The following TBC1D10A variants were observed in gnomAD, a reference collection of about 807,000 sequenced individuals.
TBC1D10A encodes EBP50-PDX interactor of 64 kDa.
Under a neutral mutation model 52.9 loss-of-function variants are expected in TBC1D10A, and 24 were observed. The observed-to-expected ratio is 0.45, with a 90% confidence interval of 0.33 to 0.64. TBC1D10A has a LOEUF of 0.64. Among genes scored for constraint, TBC1D10A ranks in the 30% least tolerant of loss-of-function variants. The pLI is 0.02. For missense variants in TBC1D10A, 602 were observed against 687.9 expected, an observed-to-expected ratio of 0.88 and a Z score of 1.40; for synonymous variants, 278 against 282.9, an observed-to-expected ratio of 0.98 and a Z score of 0.17.
Position 30,292,651 on chromosome 22 carries a change from G to A in TBC1D10A, c.1251C>T (p.Pro417=), listed in dbSNP as rs747008455. The A allele has an allele frequency of 3.7e-6, 6 of 1,611,470 alleles. No individual in the cohort carries two copies. The highest frequency in any genetic ancestry group is 5.1e-6 in the Non-Finnish European group (6 of 1,178,804). Residue 417 remains proline, a synonymous_variant, in exon 9 of 9, where the codon CCC becomes CCT. Coordinates refer to ENST00000215790, the MANE Select transcript of TBC1D10A (RefSeq NM_031937.3). ...TGGGCTTGGCTTTGGAGCCAGGGAG[G>A]GGGGCATCTAGGGGCAGGCGGATGG... ...SPSIRLPLDA[P]LPGSKAKPKP...
chr22:30,321,993 T>C (rs1930662868), intron 1 of TBC1D10A, among the ~76,000 whole-genome samples: 1 of 151,096 alleles, frequency 6.6e-6, no homozygotes, highest in African/African-American at 2.4e-5. Context: ...TTTTTTTTTT[T>C]TTTTCTTTGA....
intron 1 of TBC1D10A, among the ~76,000 whole-genome samples, chr22:30,320,371 T>C (rs1930628186): frequency 6.6e-6 from 1 of 152,018 alleles, no homozygotes; most frequent in African/African-American, 2.4e-5. Context: ...GGTAGCCAGA[T>C]TCCTGCTAAC....
intron 8 of TBC1D10A, 133 bp downstream of exon 8, chr22:30,293,505 GAGGTCCACCCACA>G (rs1929997568): frequency 8.4e-7 from 1 of 1,196,258 alleles, no homozygotes; most frequent in East Asian, 2.4e-5. Flanking sequence ...ACAGAAGGAT[GAGGTCCACCCACA>G]TGTTCTGTGT....
At chr22:30,302,183 T>C (rs990153216) in intron 2 of TBC1D10A, among the ~76,000 whole-genome samples, 14 of 152,074 alleles carry the variant, frequency 9.2e-5, no homozygotes, top group Non-Finnish European at 2.9e-5. Flanking sequence ...CTGCCTGCCT[T>C]AGGGAGGATG....
rs1458138251 is a variant in TBC1D10A at position 30,292,612 on chromosome 22, C to T, written c.1290G>A (p.Gln430=). Residue 430 remains glutamine (Q), a synonymous_variant, in exon 9 of 9, where the codon CAG becomes CAA. Transcript: ENST00000215790. Reference sequence around the variant, plus strand: ...TCTGTTTCCGCTGCTCCTTCTGGGCCTGCTTGGGTGGCTTGGGCTTGGCTT... The same window carrying T: ...TCTGTTTCCGCTGCTCCTTCTGGGCTTGCTTGGGTGGCTTGGGCTTGGCTT... ...GSKAKPKPPK[Q]AQKEQRKQMK... 2 of 1,613,448 alleles carry T rather than the reference C, an allele frequency of 1.2e-6. No homozygotes were observed. The highest frequency in any genetic ancestry group is 1.7e-6 in the Non-Finnish European group (2 of 1,179,820).
At position 30,294,687 on chromosome 22, in the gene TBC1D10A, G is replaced by A. The variant is rs1930033750; in HGVS notation, c.705+109C>T. 1.2e-5 allele frequency: 18 copies of A among 1,455,206 alleles called. No individual in the cohort carries two copies. The South Asian group carries it at 2.1e-4, about 17-fold the overall frequency. 90.1% of individuals were successfully genotyped at this position (1,455,206 alleles called of 1,614,324 possible). ...TTGGGACTTCAGCCTCAAGGCAACAGAAGGCCGGAAAGTTTTTAACCTGGG... is the reference window on the plus strand; with the variant it reads ...TTGGGACTTCAGCCTCAAGGCAACAAAAGGCCGGAAAGTTTTTAACCTGGG... On this transcript the variant is annotated intron_variant, in intron 6 of 8. Transcript: ENST00000215790.
chr22:30,312,129 A>G (rs1425801252), intron 1 of TBC1D10A, among the ~76,000 whole-genome samples: 1 of 152,104 alleles, frequency 6.6e-6, no homozygotes, highest in East Asian at 1.9e-4. Flanking sequence ...TTTTCTCCAA[A>G]TCCCAGCTCC....
intron 1 of TBC1D10A, among the ~76,000 whole-genome samples, chr22:30,323,240 A>T (rs1262218902): frequency 6.6e-6 from 1 of 152,144 alleles, no homozygotes; most frequent in Non-Finnish European, 1.5e-5. Flanking sequence ...TCTCCCCGCA[A>T]ATAAGTATTA....
At chr22:30,306,914 G>A (rs1054226708) in intron 1 of TBC1D10A, among the ~76,000 whole-genome samples, 1 of 152,172 alleles carries the variant, frequency 6.6e-6, no homozygotes, top group African/African-American at 2.4e-5. Context: ...TAAATCAGAA[G>A]AGTCACATAT....
intron 1 of TBC1D10A, among the ~76,000 whole-genome samples, chr22:30,305,360 G>C (rs1930290077): frequency 6.6e-6 from 1 of 152,216 alleles, no homozygotes; most frequent in Non-Finnish European, 1.5e-5. Flanking sequence ...TGATATTCTG[G>C]TGGGCACTGA....
chr22:30,299,571 C>T lies in TBC1D10A; in HGVS notation c.310-20G>A, dbSNP rs1467923293. 3.1e-6 allele frequency: 5 copies of T among 1,612,332 alleles called. No individual in the cohort carries two copies. In the East Asian group the frequency reaches 1.1e-4, roughly 36 times the overall value. Reference sequence around the variant, plus strand: ...ACGAATCTGAAAATCAAAAGGACAGCTGAGCCCATGCAGCCACCCAGGCAG... The same window carrying T: ...ACGAATCTGAAAATCAAAAGGACAGTTGAGCCCATGCAGCCACCCAGGCAG... On this transcript the variant is annotated intron_variant, in intron 2 of 8. Transcript: ENST00000215790.
rs937589692 is a variant in TBC1D10A at position 30,301,165 on chromosome 22, A to G, written c.310-1614T>C. On this transcript the variant is annotated intron_variant, in intron 2 of 8. Transcript: ENST00000215790. ...CCCAGCCCCGTGTACTTTCTACATC[A>G]CCAGTGGGCTCCTCCTGGGCTTGGG... Among the ~76,000 whole-genome samples the G allele has an allele frequency of 6.6e-5, 10 of 152,048 alleles. 1 individual carries two copies. The highest frequency in any genetic ancestry group is 6.5e-4 in the Admixed American group (10 of 15,274).
At position 30,295,745 on chromosome 22, in the gene TBC1D10A, C is replaced by T. The variant is rs1930064922; in HGVS notation, c.516G>A (p.Gly172=). Residue 172 remains glycine, a synonymous_variant, in exon 4 of 9, where the codon GGG becomes GGA. Transcript: ENST00000215790. Reference sequence around the variant, plus strand: ...AGGCCCAGCCTGCTCACCCGTGGCCCCCCCGGGACACAAACATCTCATGGA... The same window carrying T: ...AGGCCCAGCCTGCTCACCCGTGGCCTCCCCGGGACACAAACATCTCATGGA... ...FPFHEMFVSR[G]GHGQQDLFRV... 2 of 1,613,998 alleles carry T rather than the reference C, an allele frequency of 1.2e-6. No individual in the cohort carries two copies. Among genetic ancestry groups the T allele is most frequent in the Non-Finnish European group, 1.7e-6 (2 of 1,180,020 alleles).
chr22:30,312,364 T>C (rs980895070), intron 1 of TBC1D10A, among the ~76,000 whole-genome samples: 2 of 152,098 alleles, frequency 1.3e-5, no homozygotes, highest in Admixed American at 6.5e-5. Flanking sequence ...AACAGAAACC[T>C]CAGACCCTGT....
intron 1 of TBC1D10A, among the ~76,000 whole-genome samples, chr22:30,319,244 T>A (rs142421765): frequency 3.4e-4 from 52 of 152,256 alleles, no homozygotes; most frequent in African/African-American, 1.3e-3. Flanking sequence ...TCCTCTGTAC[T>A]CCCAGAGCAA....
intron 1 of TBC1D10A, among the ~76,000 whole-genome samples, chr22:30,316,462 T>G (rs549397142): frequency 1.1e-4 from 9 of 83,914 alleles, no homozygotes; most frequent in East Asian, 5.3e-4. Flanking sequence ...TTTGTTTTTG[T>G]TTTTTTTTTT....
intron 1 of TBC1D10A, among the ~76,000 whole-genome samples, chr22:30,322,369 C>A (rs1930672535): frequency 6.6e-6 from 1 of 152,122 alleles, no homozygotes; most frequent in Non-Finnish European, 1.5e-5. Context: ...ATGCCACCCA[C>A]AGGATCATTT....
rs1265742234 is a variant in TBC1D10A, at chr22:30,293,658, A to C, written c.1043T>G (p.Val348Gly). The C allele has an allele frequency of 3.7e-6, 6 of 1,608,156 alleles. No homozygotes were observed. Among genetic ancestry groups the C allele is most frequent in the African/African-American group, 1.3e-5 (1 of 74,894 alleles). ...GGCAGGCATGGGCTGTACCTCCTGG[A>C]CCAGAAAGGCCTCCTGCATGATCTT... Reference protein sequence around the residue: ...SPKIMQEAFLVQEVVELPVTE... With the variant: ...SPKIMQEAFLGQEVVELPVTE... Residue 348 changes from valine to glycine, a missense_variant, in exon 8 of 9, where the codon GTC becomes GGC. Transcript: ENST00000215790.
In TBC1D10A at chr22:30,292,241, T is replaced by C; in HGVS notation, c.*134A>G. The C allele has an allele frequency of 1.3e-6, 1 of 749,418 alleles. No homozygotes were observed. The highest frequency in any genetic ancestry group is 2.1e-6 in the Non-Finnish European group (1 of 472,206). The allele number at this position is 749,418 out of a possible 1,614,324, so 46.4% of individuals were successfully genotyped here. ...GTGTTGGACCAGGCAGAATCTGTGT[T>C]GGACCAGCCAGACTCCAGCCCAGCC... On this transcript the variant is annotated 3_prime_UTR_variant, in exon 9 of 9. Coordinates refer to ENST00000215790, the MANE Select transcript of TBC1D10A (RefSeq NM_031937.3).
Sources: gnomAD v4.1 joint callset for allele counts (sites outside exome capture counted in the v4.1 genomes callset) on GRCh38, gnomAD v4.1.1 for gene constraint, MANE v1.5 for transcripts, NCBI Gene and HGNC (gene_info 2026-07-23, HGNC 2026-07-21) for gene names.